The following SNCAIP variants were observed in gnomAD, a reference collection of about 807,000 sequenced individuals.
SNCAIP encodes synphilin-1.
Under a neutral mutation model 86.7 loss-of-function variants are expected in SNCAIP, and 43 were observed. That is an observed-to-expected ratio of 0.50 (90% CI 0.39 to 0.64). SNCAIP has a LOEUF of 0.64. SNCAIP is among the 30% of genes least tolerant of loss of function. The pLI, the probability that SNCAIP is intolerant of heterozygous loss-of-function variation, is 0.00. For missense variants in SNCAIP, 981 were observed against 1,103.1 expected (o/e 0.89, Z 1.57); for synonymous variants, 417 against 427.2 (o/e 0.98, Z 0.29).
intron 1 of SNCAIP, among the ~76,000 whole-genome samples, chr5:122,379,751 G>C (rs1283711523): frequency 1.3e-5 from 2 of 148,408 alleles, no homozygotes; most frequent in Admixed American, 6.7e-5. Flanking sequence ...TAGCATGAAG[G>C]GTTGTTGAAT....
Position 122,450,602 on chromosome 5 carries a change from CA to C in SNCAIP, c.1759del (p.Ser587AlafsTer76). ...CAGATGCAGATGATGATTCTGTAGC[CA>C]AAAGCAAGCCAGGAGTCCAAGAGGG... Reference protein sequence around the residue: ...SPDADDDSVAKSKPGVQEGIQ... With the variant: ...SPDADDDSVAXSKPGVQEGIQ... On this transcript the variant is annotated frameshift_variant, in exon 10 of 11. Transcript: ENST00000261368. LOFTEE classifies it high-confidence loss of function. 6.2e-7 allele frequency: 1 copy of C among 1,614,040 alleles called. No homozygotes were observed. The highest frequency in any genetic ancestry group is 8.5e-7 in the Non-Finnish European group (1 of 1,179,976).
Position 122,423,573 on chromosome 5 carries a change from A to C in SNCAIP, c.836A>C (p.Gln279Pro), listed in dbSNP as rs1270467009. 6.2e-7 allele frequency: 1 copy of C among 1,614,202 alleles called. No homozygotes were observed. Among genetic ancestry groups the C allele is most frequent in the South Asian group, 1.1e-5 (1 of 91,082 alleles). Residue 279 changes from glutamine (Q) to proline (P), a missense_variant, in exon 4 of 11, where the codon CAG (glutamine) becomes CCG (proline). Coordinates refer to ENST00000261368, the MANE Select transcript of SNCAIP (RefSeq NM_005460.4). ...GTTGAGAAGACAACACCAGACTGCC[A>C]GCTCAGGGCCTTCCACCTACAATCC... ...RKVEKTTPDC[Q>P]LRAFHLQSSA...
chr5:122,417,544 A>C (rs904000583), intron 3 of SNCAIP, among the ~76,000 whole-genome samples: 3 of 152,212 alleles, frequency 2.0e-5, no homozygotes, highest in African/African-American at 7.2e-5. Flanking sequence ...CTTTGAAAGT[A>C]TTTGGCACAA....
chr5:122,393,049 C>G (rs973998175), intron 2 of SNCAIP, among the ~76,000 whole-genome samples: 1 of 152,026 alleles, frequency 6.6e-6, no homozygotes, highest in Non-Finnish European at 1.5e-5. Flanking sequence ...TAACTAAAAC[C>G]GTTTAGCAAA....
chr5:122,445,439 T>A (rs1782062670), intron 8 of SNCAIP, among the ~76,000 whole-genome samples: 1 of 152,024 alleles, frequency 6.6e-6, no homozygotes, highest in Non-Finnish European at 1.5e-5. Context: ...GGTCATCAGG[T>A]CTCTGGCAAG....
At chr5:122,416,065 T>C (rs1299619276) in intron 3 of SNCAIP, among the ~76,000 whole-genome samples, 1 of 152,238 alleles carries the variant, frequency 6.6e-6, no homozygotes, top group East Asian at 1.9e-4. Flanking sequence ...TTGAGTCTGA[T>C]TTCGTGATGG....
At chr5:122,421,656 G>A (rs935337922) in intron 3 of SNCAIP, among the ~76,000 whole-genome samples, 1 of 152,148 alleles carries the variant, frequency 6.6e-6, no homozygotes, top group East Asian at 1.9e-4. Flanking sequence ...TAGTTGTAGG[G>A]CATGCCCCCT....
At chr5:122,422,723 T>C (rs1776635372) in intron 3 of SNCAIP, 145 bp from the exon 4 acceptor site, 1 of 642,584 alleles carries the variant, frequency 1.6e-6, no homozygotes, top group African/African-American at 1.8e-5. Flanking sequence ...TGATTTTTTT[T>C]GTTCTATTGA....
At chr5:122,345,117 A>G (rs1418992876) in intron 1 of SNCAIP, among the ~76,000 whole-genome samples, 1 of 152,196 alleles carries the variant, frequency 6.6e-6, no homozygotes, top group East Asian at 1.9e-4. Context: ...GAAATTTTAT[A>G]TGACAAGAAT....
At chr5:122,409,242 C>T (rs1773633693) in intron 3 of SNCAIP, among the ~76,000 whole-genome samples, 1 of 152,178 alleles carries the variant, frequency 6.6e-6, no homozygotes, top group Admixed American at 6.6e-5. Context: ...ACAAAAAATA[C>T]ATTATGGTGA....
intron 10 of SNCAIP, among the ~76,000 whole-genome samples, chr5:122,461,148 G>A (rs553472681): frequency 6.6e-6 from 1 of 152,170 alleles, no homozygotes; most frequent in East Asian, 1.9e-4. Context: ...TTCTAGGTGG[G>A]AAATTATTCT....
At chr5:122,385,908 A>C (rs979660094) in intron 1 of SNCAIP, among the ~76,000 whole-genome samples, 1 of 152,206 alleles carries the variant, frequency 6.6e-6, no homozygotes. Context: ...CTTTGGCAGA[A>C]AAGGAGAAAT....
intron 2 of SNCAIP, 35 bp downstream of exon 2, chr5:122,391,226 A>G (rs1209058666): frequency 6.9e-7 from 1 of 1,441,166 alleles, no homozygotes; most frequent in Non-Finnish European, 9.8e-7. Context: ...TGCTTTCAAG[A>G]TAATCTGCCT....
In SNCAIP at chr5:122,312,271, G is replaced by C. The variant is rs1166424157; in HGVS notation, c.-60G>C. ...CTTCGCGCTCCTGAGCCGCCGGCGC[G>C]CCGGGCGCCCCGGGTGAGTCCAGGT... On this transcript the variant is annotated 5_prime_UTR_variant, in exon 1 of 11. Coordinates refer to ENST00000261368, the MANE Select transcript of SNCAIP (RefSeq NM_005460.4). The C allele has an allele frequency of 1.3e-5, 2 of 151,920 alleles. No individual in the cohort carries two copies. Among genetic ancestry groups the C allele is most frequent in the African/African-American group, 2.4e-5 (1 of 41,374 alleles). 9.4% of individuals were successfully genotyped at this position (151,920 alleles called of 1,614,324 possible).
At chr5:122,444,339 C>A (rs1367064830) in intron 7 of SNCAIP, 1 of 596,510 alleles carries the variant, frequency 1.7e-6, no homozygotes, top group Non-Finnish European at 3.1e-6. Context: ...GGACAGCCTC[C>A]TCCTCTCCTT....
chr5:122,371,790 A>C (rs1280819700), intron 1 of SNCAIP: 1 of 152,216 alleles, frequency 6.6e-6, no homozygotes, highest in African/African-American at 2.4e-5. Flanking sequence ...GTGAAGTGAG[A>C]GTGATATTAA....
intron 6 of SNCAIP, among the ~76,000 whole-genome samples, chr5:122,437,577 C>T (rs571427881): frequency 5.3e-5 from 8 of 152,300 alleles, no homozygotes; most frequent in Admixed American, 2.0e-4. Flanking sequence ...AATTGTCCAA[C>T]ATAAAACCCA....
At chr5:122,438,527 G>A (rs1780052418) in intron 6 of SNCAIP, among the ~76,000 whole-genome samples, 1 of 152,194 alleles carries the variant, frequency 6.6e-6, no homozygotes, top group African/African-American at 2.4e-5. Flanking sequence ...TTTCTTAAAT[G>A]TATGTATAGC....
rs181378236 is a variant in SNCAIP at position 122,387,119 on chromosome 5, T to C, written c.-46-3970T>C. On this transcript the variant is annotated intron_variant, in intron 1 of 10. Transcript: ENST00000261368. Reference sequence around the variant, plus strand: ...CCTGAGATCCAAAAGGGGCCTATGATGCATAGCAATAAAAATCCTATATAA... The same window carrying C: ...CCTGAGATCCAAAAGGGGCCTATGACGCATAGCAATAAAAATCCTATATAA... Among the ~76,000 whole-genome samples, 180 of 152,242 alleles carry C rather than the reference T, an allele frequency of 1.2e-3. 2 individuals are homozygous for C. The highest frequency in any genetic ancestry group is 4.2e-3 in the African/African-American group (174 of 41,554).
Sources: allele counts gnomAD v4.1 joint callset (sites outside exome capture counted in the v4.1 genomes callset), GRCh38; gene constraint gnomAD v4.1.1; transcripts MANE v1.5; gene names NCBI Gene and HGNC (gene_info 2026-07-23, HGNC 2026-07-21).